GAB1: variants seen among roughly 807,000 people sequenced by gnomAD.
The protein encoded by GAB1 is GRB2 associated binding protein 1, also known as GRB2-associated-binding protein 1.
In GAB1, 19 loss-of-function variants were observed where a neutral mutation model predicts 66.5. The observed-to-expected ratio is 0.29, with a 90% CI of 0.20 to 0.42. The LOEUF is 0.42. Ranked by LOEUF, GAB1 falls within the 10% of genes least tolerant of loss-of-function variation. The pLI is 1.00. For synonymous variants in GAB1, 294 were observed against 301.4 expected, an observed-to-expected ratio of 0.98 and a Z score of 0.25; for missense variants, 732 against 858.5, an observed-to-expected ratio of 0.85 and a Z score of 1.84.
chr4:143,371,222 CT>C (rs1210343563), intron 1 of GAB1, among the ~76,000 whole-genome samples: 3 of 151,972 alleles, frequency 2.0e-5, no homozygotes, highest in Non-Finnish European at 4.4e-5. Context: ...TGTTTCCTGA[CT>C]TTTTAATGAT....
At chr4:143,397,714 C>T (rs1373745140) in intron 1 of GAB1, among the ~76,000 whole-genome samples, 1 of 152,202 alleles carries the variant, frequency 6.6e-6, no homozygotes, top group African/African-American at 2.4e-5. Context: ...ACCCAAGCAT[C>T]CATATCCAAG....
At chr4:143,397,517 A>G (rs1370118789) in intron 1 of GAB1, among the ~76,000 whole-genome samples, 3 of 152,228 alleles carry the variant, frequency 2.0e-5, no homozygotes. Context: ...AATAATTTGA[A>G]CAGACTCCAA....
At chr4:143,371,156 G>T (rs1730105992) in intron 1 of GAB1, among the ~76,000 whole-genome samples, 2 of 152,036 alleles carry the variant, frequency 1.3e-5, no homozygotes, top group Admixed American at 1.3e-4. Context: ...CTAGTTTACA[G>T]TCCCACCAAC....
Position 143,438,049 on chromosome 4 carries a change from A to G in GAB1, c.644A>G (p.Asp215Gly). ...ACCTCTTCTGAAACAGACTGCAATG[A>G]TAACGTCCCTTCTCATAAAAATCCT... ...KSTSSETDCN[D>G]NVPSHKNPAS... The change falls in exon 4 of 10, where the codon GAT becomes GGT. Residue 215 changes from aspartate to glycine, a missense_variant. By Grantham distance (94) the Asp-to-Gly change is moderately conservative (BLOSUM62 -1). This residue lies in a region of GAB1 where 427 missense variants were observed against 420.6 expected (regional missense o/e 1.02). Coordinates refer to ENST00000262994, the MANE Select transcript of GAB1 (RefSeq NM_002039.4). The G allele has an allele frequency of 1.2e-6, 2 of 1,614,044 alleles. No individual in the cohort carries two copies. Among genetic ancestry groups the G allele is most frequent in the South Asian group, 1.1e-5 (1 of 91,074 alleles).
chr4:143,437,175 T>C (rs1271457461), intron 3 of GAB1, among the ~76,000 whole-genome samples: 1 of 152,162 alleles, frequency 6.6e-6, no homozygotes, highest in Non-Finnish European at 1.5e-5. Flanking sequence ...TTTAAAGAAA[T>C]ATTGTTTAAA....
rs142889336 is a variant in GAB1, at chr4:143,349,686, C to T, written c.72+12426C>T. ...GCACGGGGACAATGGAGAGCTTGGC[C>T]AGGATGATGGCCCCACAGATGGCGG... On this transcript the variant is annotated intron_variant, in intron 1 of 9. Coordinates refer to ENST00000262994, the MANE Select transcript of GAB1 (RefSeq NM_002039.4). 1.4e-3 allele frequency: 2,124 copies of T among 1,535,480 alleles called. 32 individuals carry two copies. In the African/African-American group the frequency reaches 0.027, roughly 19 times the overall value.
At chr4:143,408,120 T>C (rs1023222266) in intron 1 of GAB1, among the ~76,000 whole-genome samples, 29 of 152,314 alleles carry the variant, frequency 1.9e-4, no homozygotes, top group African/African-American at 6.3e-4. Context: ...TCTAGGCTGT[T>C]TCCTGGCTGA....
At chr4:143,398,095 C>T (rs1324963370) in intron 1 of GAB1, among the ~76,000 whole-genome samples, 1 of 152,178 alleles carries the variant, frequency 6.6e-6, no homozygotes, top group African/African-American at 2.4e-5. Context: ...CCTTTGAATA[C>T]TTCATCTACT....
At chr4:143,354,048 TGAATAGAA>T (rs764897958) in intron 1 of GAB1, among the ~76,000 whole-genome samples, 12 of 152,194 alleles carry the variant, frequency 7.9e-5, no homozygotes, top group Non-Finnish European at 8.8e-5. Context: ...TGCTCTGAAG[TGAATAGAA>T]GGGTTGTTGC....
chr4:143,426,414 G>T (rs1733360086), intron 2 of GAB1, among the ~76,000 whole-genome samples: 1 of 152,054 alleles, frequency 6.6e-6, no homozygotes, highest in Non-Finnish European at 1.5e-5. Context: ...AACCAGATGT[G>T]GTAGTGTGTG....
At chr4:143,449,460 G>C (rs1053149235) in intron 6 of GAB1, among the ~76,000 whole-genome samples, 7 of 151,876 alleles carry the variant, frequency 4.6e-5, no homozygotes, top group Non-Finnish European at 1.0e-4. Context: ...CTTGCTTTAT[G>C]AATCTGGGTG....
intron 1 of GAB1, among the ~76,000 whole-genome samples, chr4:143,370,413 T>C (rs1259685264): frequency 6.6e-6 from 1 of 152,154 alleles, no homozygotes; most frequent in Non-Finnish European, 1.5e-5. Context: ...ACAAGGATTG[T>C]TGCAGTCCTT....
chr4:143,431,882 T>C (rs144229744), intron 2 of GAB1, among the ~76,000 whole-genome samples: 2 of 151,858 alleles, frequency 1.3e-5, no homozygotes, highest in East Asian at 1.9e-4. Context: ...ACTAAAACTT[T>C]ACAGAGAAAG....
intron 6 of GAB1, among the ~76,000 whole-genome samples, chr4:143,448,652 T>C (rs1384406525): frequency 6.6e-6 from 1 of 151,922 alleles, no homozygotes; most frequent in Non-Finnish European, 1.5e-5. Context: ...CTTTATCATT[T>C]TTATTGCATC....
At chr4:143,350,041 C>CG in intron 1 of GAB1, 1 of 1,545,988 alleles carries the variant, frequency 6.5e-7, no homozygotes. Context: ...GAAACCTCCG[C>CG]GGAAGCCACC....
chr4:143,423,806 A>G (rs1354926979), intron 2 of GAB1, among the ~76,000 whole-genome samples: 3 of 72,864 alleles, frequency 4.1e-5, no homozygotes, highest in African/African-American at 1.2e-4. Flanking sequence ...ATATATATAT[A>G]TATATATATA....
intron 2 of GAB1, among the ~76,000 whole-genome samples, chr4:143,421,353 T>G (rs1326384348): frequency 6.6e-6 from 1 of 152,152 alleles, no homozygotes; most frequent in Non-Finnish European, 1.5e-5. Context: ...AAAGCTGTAG[T>G]GAACATTTCT....
chr4:143,412,472 G>T (rs2149713762), intron 1 of GAB1, among the ~76,000 whole-genome samples: 1 of 152,248 alleles, frequency 6.6e-6, no homozygotes, highest in East Asian at 1.9e-4. Flanking sequence ...GTACAGATAT[G>T]CTATGTACTA....
chr4:143,405,717 A>C (rs1732008497), intron 1 of GAB1, among the ~76,000 whole-genome samples: 2 of 152,202 alleles, frequency 1.3e-5, no homozygotes, highest in Admixed American at 1.3e-4. Context: ...GCAGTTGTAC[A>C]AAGGGTTGAT....
Sources: allele counts gnomAD v4.1 joint callset (sites outside exome capture counted in the v4.1 genomes callset), GRCh38; gene constraint gnomAD v4.1.1; regional missense constraint gnomAD v4.1.1; transcripts MANE v1.5; gene names NCBI Gene and HGNC (gene_info 2026-07-23, HGNC 2026-07-21).